IMPG1: variants seen among roughly 807,000 people sequenced by gnomAD.
IMPG1 encodes interphotoreceptor matrix proteoglycan of 150 kDa.
In IMPG1, 85 loss-of-function variants were observed where a neutral mutation model predicts 92.0. That is an observed-to-expected ratio of 0.92 (90% CI 0.78 to 1.11). The LOEUF (loss-of-function observed/expected upper bound fraction) is 1.11, where lower values mean the gene tolerates loss of function less well. IMPG1 is among the 50% of genes least tolerant of loss of function. IMPG1 has a pLI of 0.00. For synonymous variants in IMPG1, 367 were observed against 334.1 expected, an observed-to-expected ratio of 1.10 and a Z score of -1.08; for missense variants, 1,022 against 956.0, an observed-to-expected ratio of 1.07 and a Z score of -0.91.
chr6:76,065,070 T>C (rs1332159082), intron 1 of IMPG1, among the ~76,000 whole-genome samples: 1 of 151,904 alleles, frequency 6.6e-6, no homozygotes, highest in Non-Finnish European at 1.5e-5. Context: ...TACATTATAG[T>C]TACATCCTGA....
intron 1 of IMPG1, among the ~76,000 whole-genome samples, chr6:76,067,911 AC>A (rs1423099774): frequency 6.6e-6 from 1 of 152,218 alleles, no homozygotes; most frequent in Non-Finnish European, 1.5e-5. Flanking sequence ...GTGATTCACA[AC>A]ATAAACAGGA....
chr6:75,929,341 G>C (rs1781623039), intron 15 of IMPG1, among the ~76,000 whole-genome samples: 1 of 152,050 alleles, frequency 6.6e-6, no homozygotes, highest in Non-Finnish European at 1.5e-5. Context: ...GTGAGATCCA[G>C]TATCTTCTGT....
chr6:75,968,779 G>A (rs1284053206), intron 12 of IMPG1, among the ~76,000 whole-genome samples: 3 of 151,978 alleles, frequency 2.0e-5, no homozygotes, highest in African/African-American at 7.3e-5. Context: ...ACCCTCTCTT[G>A]CTCTTCTGCC....
intron 1 of IMPG1, among the ~76,000 whole-genome samples, chr6:76,063,618 C>T (rs1784247854): frequency 6.6e-6 from 1 of 152,192 alleles, no homozygotes; most frequent in African/African-American, 2.4e-5. Context: ...TCTACCCAAA[C>T]TGCAGTGGCA....
chr6:75,928,939 C>T (rs529564301), intron 15 of IMPG1, among the ~76,000 whole-genome samples: 2 of 152,168 alleles, frequency 1.3e-5, no homozygotes, highest in Non-Finnish European at 2.9e-5. Flanking sequence ...CCGTCTATGG[C>T]AGCTCCAGTA....
chr6:76,068,665 C>T (rs1030886430), intron 1 of IMPG1, among the ~76,000 whole-genome samples: 2 of 151,640 alleles, frequency 1.3e-5, no homozygotes, highest in Non-Finnish European at 2.9e-5. Flanking sequence ...TATAGGCACC[C>T]ATCACCATGC....
chr6:76,026,786 C>A (rs1450292893), intron 4 of IMPG1, among the ~76,000 whole-genome samples: 2 of 152,124 alleles, frequency 1.3e-5, no homozygotes, highest in Non-Finnish European at 2.9e-5. Flanking sequence ...CAGGCCAGAC[C>A]CCCACCCCCA....
chr6:75,986,560 T>C (rs980399290), intron 12 of IMPG1, among the ~76,000 whole-genome samples: 5 of 152,058 alleles, frequency 3.3e-5, no homozygotes, highest in African/African-American at 7.2e-5. Context: ...AAATTTGAAA[T>C]TGGGAAAATG....
intron 14 of IMPG1, among the ~76,000 whole-genome samples, chr6:75,934,724 CCT>C (rs1246466623): frequency 6.6e-6 from 1 of 152,100 alleles, no homozygotes; most frequent in Non-Finnish European, 1.5e-5. Flanking sequence ...ATAGGCCTTC[CCT>C]CTCTGCCAGA....
chr6:76,071,240 G>GA (rs1253043655), intron 1 of IMPG1, among the ~76,000 whole-genome samples: 2 of 149,140 alleles, frequency 1.3e-5, no homozygotes, highest in African/African-American at 4.9e-5. Flanking sequence ...TATGAAAATA[G>GA]AAAAAATCGT....
At chr6:76,072,161 T>A (rs1582144898) in intron 1 of IMPG1, among the ~76,000 whole-genome samples, 1 of 152,148 alleles carries the variant, frequency 6.6e-6, no homozygotes, top group Non-Finnish European at 1.5e-5. Context: ...TTTCAATGAA[T>A]GTTTTAGAAC....
At chr6:75,972,494 T>C (rs1782440065) in intron 12 of IMPG1, among the ~76,000 whole-genome samples, 1 of 148,368 alleles carries the variant, frequency 6.7e-6, no homozygotes, top group Admixed American at 6.7e-5. Context: ...CCCTTCTTCA[T>C]ATGACTTAAT....
chr6:76,056,668 T>G (rs908913724), intron 1 of IMPG1, among the ~76,000 whole-genome samples: 1 of 152,194 alleles, frequency 6.6e-6, no homozygotes. Flanking sequence ...AAAGGTTCCC[T>G]TTTCTCCACA....
At chr6:76,000,503 A>T (rs1212625321) in intron 12 of IMPG1, among the ~76,000 whole-genome samples, 1 of 152,158 alleles carries the variant, frequency 6.6e-6, no homozygotes, top group Admixed American at 6.5e-5. Flanking sequence ...CTTTTTTAAA[A>T]TGATGTAGGA....
At chr6:76,037,165 A>G (rs765281422) in intron 2 of IMPG1, among the ~76,000 whole-genome samples, 1 of 152,202 alleles carries the variant, frequency 6.6e-6, no homozygotes, top group Non-Finnish European at 1.5e-5. Flanking sequence ...GACGAGACCA[A>G]TCTGGAGACT....
chr6:76,064,023 G>C (rs921457332), intron 1 of IMPG1, among the ~76,000 whole-genome samples: 8 of 152,178 alleles, frequency 5.3e-5, no homozygotes. Context: ...CAGTGCTGAG[G>C]CACAGGAATG....
chr6:75,927,886 C>T (rs1394050176), intron 15 of IMPG1, among the ~76,000 whole-genome samples: 1 of 152,078 alleles, frequency 6.6e-6, no homozygotes, highest in Non-Finnish European at 1.5e-5. Context: ...CCATGTTATG[C>T]CCCAGAGACA....
Position 76,072,502 on chromosome 6 carries a change from C to A in IMPG1, c.-14G>T, listed in dbSNP as rs760578768. The A allele has an allele frequency of 3.9e-6, 6 of 1,539,560 alleles. No homozygotes were observed. The South Asian group carries it at 5.8e-5, about 15-fold the overall frequency. On this transcript the variant is annotated 5_prime_UTR_variant, in exon 1 of 17. The change abolishes an upstream ATG in the 5' untranslated region. Transcript: ENST00000369950. ...TTCCAAATACATTCTGGCTTTTGTG[C>A]ATTGGTAATTCTGATAACAATCACA... is the stretch of plus-strand genomic sequence containing the variant.
chr6:76,011,222 C>T lies in IMPG1; in HGVS notation c.810G>A (p.Met270Ile). The T allele has an allele frequency of 6.5e-7, 1 of 1,533,512 alleles. No homozygotes were observed. Among genetic ancestry groups the T allele is most frequent in the African/African-American group, 1.4e-5 (1 of 73,236 alleles). 95.0% of individuals were successfully genotyped at this position (1,533,512 alleles called of 1,614,324 possible). ...CTGGAAGTTTCTTAAATATCTTTTG[C>T]ATCTGCAGAGAGAAAGAAATTTGTA... ...QELAGKSQLQ[M>I]QKIFKKLPGF... Residue 270 changes from methionine (M) to isoleucine (I), a missense_variant and splice_region_variant, in exon 8 of 17, where the codon ATG becomes ATA. Met to Ile is a conservative substitution (Grantham distance 10). Coordinates refer to ENST00000369950, the MANE Select transcript of IMPG1 (RefSeq NM_001563.4).
Sources: allele counts gnomAD v4.1 joint callset (sites outside exome capture counted in the v4.1 genomes callset), GRCh38; gene constraint gnomAD v4.1.1; transcripts MANE v1.5; gene names NCBI Gene and HGNC (gene_info 2026-07-23, HGNC 2026-07-21).